Variants in MUC17 observed in about 807,000 individuals in gnomAD.
MUC17 encodes mucin 17, cell surface associated, also known as mucin-17.
A neutral mutation model predicts 170.3 loss-of-function variants in MUC17; 190 were observed. The observed-to-expected ratio is 1.12, with a 90% CI of 0.99 to 1.26. The LOEUF (loss-of-function observed/expected upper bound fraction) is 1.26. Ranked by LOEUF, MUC17 falls within the 50% of genes most tolerant of loss-of-function variation. The pLI, the probability that MUC17 is intolerant of heterozygous loss-of-function variation, is 0.00. For missense variants in MUC17, 6,415 were observed against 5,530.0 expected (o/e 1.16, Z -5.08); for synonymous variants, 2,325 against 2,002.5 (o/e 1.16, Z -4.30).
chr7:101,055,740 G>A (rs2116485929), intron 11 of MUC17, among the ~76,000 whole-genome samples: 1 of 152,032 alleles, frequency 6.6e-6, no homozygotes, highest in East Asian at 1.9e-4. Context: ...TTTTAAGGAT[G>A]GCCATACACA....
chr7:101,052,485 G>T (rs903948654), intron 9 of MUC17, among the ~76,000 whole-genome samples: 4 of 152,144 alleles, frequency 2.6e-5, no homozygotes, highest in Non-Finnish European at 4.4e-5. Context: ...AATTTGGGAA[G>T]GCTTCCTGGA....
In MUC17 at chr7:101,037,397, C is replaced by G; in HGVS notation, c.5981C>G (p.Thr1994Ser). ...STPLTSMPLS[T>S]TLVVSSEAST... ...CCACTAACAAGTATGCCTCTCAGCACCACGCTGGTGGTCAGTTCTGAGGCT... is the reference window on the plus strand; with the variant it reads ...CCACTAACAAGTATGCCTCTCAGCAGCACGCTGGTGGTCAGTTCTGAGGCT... Residue 1994 changes from threonine (T) to serine (S), a missense_variant, in exon 3 of 13, where the codon ACC becomes AGC. By Grantham distance (58) the Thr-to-Ser change is moderately conservative. Transcript: ENST00000306151. 1 of 1,613,400 alleles carries G rather than the reference C, an allele frequency of 6.2e-7. No individual in the cohort carries two copies. Among genetic ancestry groups the G allele is most frequent in the Non-Finnish European group, 8.5e-7 (1 of 1,179,576 alleles).
intron 9 of MUC17, among the ~76,000 whole-genome samples, chr7:101,052,664 G>C (rs976010117): frequency 2.0e-5 from 3 of 152,226 alleles, no homozygotes; most frequent in South Asian, 2.1e-4. Context: ...TTAATGGGTG[G>C]ATGCAAGATC....
intron 1 of MUC17, among the ~76,000 whole-genome samples, chr7:101,029,383 A>G (rs944684909): frequency 2.0e-5 from 3 of 151,982 alleles, no homozygotes; most frequent in Non-Finnish European, 4.4e-5. Context: ...ACATGTATAC[A>G]TACATACACA....
At position 101,050,510 on chromosome 7, in the gene MUC17, A is replaced by G. The variant is rs1377699474; in HGVS notation, c.12749A>G (p.Asp4250Gly). The change falls in exon 7 of 13, where the codon GAC becomes GGC. Residue 4250 changes from aspartate to glycine, a missense_variant. Asp to Gly is a moderately conservative substitution (Grantham distance 94, BLOSUM62 -1). Coordinates refer to ENST00000306151, the MANE Select transcript of MUC17 (RefSeq NM_001040105.2). Reference sequence around the variant, plus strand: ...CTTGGCAGTGTGGTGGTGGAGCATGACGTCCTCCTAAGAACCAAGTACACA... The same window carrying G: ...CTTGGCAGTGTGGTGGTGGAGCATGGCGTCCTCCTAAGAACCAAGTACACA... ...LRLGSVVVEH[D>G]VLLRTKYTPE... 3.5e-5 allele frequency: 56 copies of G among 1,613,830 alleles called. No individual in the cohort carries two copies. The highest frequency in any genetic ancestry group is 4.7e-5 in the Non-Finnish European group (55 of 1,179,914).
chr7:101,042,663 G>A lies in MUC17; in HGVS notation c.11247G>A (p.Met3749Ile), dbSNP rs1390444968. Residue 3749 changes from methionine to isoleucine, a missense_variant, in exon 3 of 13, where the codon ATG becomes ATA. Physicochemically the swap from Met to Ile is conservative, Grantham distance 10 (BLOSUM62 1). Coordinates refer to ENST00000306151, the MANE Select transcript of MUC17 (RefSeq NM_001040105.2). Reference protein sequence around the residue: ...DSTTMSVSMPMEISTLGTTIL... With the variant: ...DSTTMSVSMPIEISTLGTTIL... ...CCACCATGTCTGTGTCAATGCCCAT[G>A]GAAATAAGCACCCTTGGGACCACTA... 2 of 1,613,758 alleles carry A rather than the reference G, an allele frequency of 1.2e-6. No individual in the cohort carries two copies. The highest frequency in any genetic ancestry group is 1.7e-5 in the Admixed American group (1 of 59,974).
Position 101,053,421 on chromosome 7 carries a change from T to C in MUC17, c.13348T>C (p.Phe4450Leu). ...PAPGTFQNIG[F>L]DICQDDDSIH... ...TCCTGGGACCTTCCAAAACATTGGC[T>C]TTGACATCTGCCAAGGTATTGGCCT... Residue 4450 changes from phenylalanine to leucine, a missense_variant, in exon 11 of 13, where the codon TTT becomes CTT. Coordinates refer to ENST00000306151, the MANE Select transcript of MUC17 (RefSeq NM_001040105.2). 6.2e-7 allele frequency: 1 copy of C among 1,613,574 alleles called. No individual in the cohort carries two copies.
chr7:101,022,533 T>A (rs1353684521), intron 1 of MUC17, among the ~76,000 whole-genome samples: 2 of 151,998 alleles, frequency 1.3e-5, no homozygotes, highest in African/African-American at 2.4e-5. Flanking sequence ...TCAACAAGGC[T>A]CTCCTCCCAG....
intron 1 of MUC17, 71 bp downstream of exon 1, chr7:101,020,288 C>T (rs1562798432): frequency 2.2e-6 from 3 of 1,373,704 alleles, no homozygotes; most frequent in African/African-American, 1.4e-5. Flanking sequence ...GTCTGCCCAT[C>T]CCCGAGGGAG....
chr7:101,040,456 A>C lies in MUC17; in HGVS notation c.9040A>C (p.Thr3014Pro). 1 of 1,610,722 alleles carries C rather than the reference A, an allele frequency of 6.2e-7. No individual in the cohort carries two copies. Residue 3014 changes from threonine to proline, a missense_variant, in exon 3 of 13, where the codon ACC (threonine) becomes CCC (proline). Thr to Pro is a conservative substitution (Grantham distance 38). Transcript: ENST00000306151. ...ASTLSRTPAD[T>P]STPVTTSTEA... ...CACCCTTTCAAGAACTCCTGCTGAC[A>C]CCAGCACACCTGTGACCACTTCTAC... is the stretch of plus-strand genomic sequence containing the variant.
Position 101,035,446 on chromosome 7 carries a change from G to C in MUC17, c.4030G>C (p.Val1344Leu), listed in dbSNP as rs758437438. The change falls in exon 3 of 13, where the codon GTC (valine) becomes CTC (leucine). Residue 1344 changes from valine to leucine, a missense_variant. Transcript: ENST00000306151. ...EGRTPLTSIP[V>L]NTTLVASSAI... Reference sequence around the variant, plus strand: ...AAGAACTCCTTTAACAAGTATACCTGTCAACACCACACTGGTGGCCAGTTC... The same window carrying C: ...AAGAACTCCTTTAACAAGTATACCTCTCAACACCACACTGGTGGCCAGTTC... The C allele has an allele frequency of 2.5e-6, 4 of 1,602,198 alleles. No individual in the cohort carries two copies. Among genetic ancestry groups the C allele is most frequent in the Middle Eastern group, 3.3e-4 (2 of 6,006 alleles).
Position 101,050,619 on chromosome 7 carries a change from T to G in MUC17, c.12858T>G (p.Ile4286Met). Reference sequence around the variant, plus strand: ...AAGTGACCACACAGCAAATAATGATTAATGATATTTGCTCAGGTGAACTCT... The same window carrying G: ...AAGTGACCACACAGCAAATAATGATGAATGATATTTGCTCAGGTGAACTCT... Reference protein sequence around the residue: ...ITKVTTQQIMINDICSDMMCF... With the variant: ...ITKVTTQQIMMNDICSDMMCF... The change falls in exon 7 of 13, where the codon ATT (isoleucine) becomes ATG (methionine). Residue 4286 changes from isoleucine to methionine, a missense_variant. Transcript: ENST00000306151. The G allele has an allele frequency of 6.2e-7, 1 of 1,613,870 alleles. No homozygotes were observed.
In MUC17 at chr7:101,034,690, C is replaced by T; in HGVS notation, c.3274C>T (p.Pro1092Ser). The stretch of plus-strand genomic sequence containing the variant: ...TACAACTGCTGACGGTACCAGCATG[C>T]CAACCTCAACTTATAGTGAAGGAAG... ...SSTTADGTSM[P>S]TSTYSEGSTP... The change falls in exon 3 of 13, where the codon CCA becomes TCA. Residue 1092 changes from proline (P) to serine (S), a missense_variant. Physicochemically the swap from Pro to Ser is moderately conservative, Grantham distance 74. Transcript: ENST00000306151. 2 of 1,606,846 alleles carry T rather than the reference C, an allele frequency of 1.2e-6. No homozygotes were observed. The highest frequency in any genetic ancestry group is 1.7e-6 in the Non-Finnish European group (2 of 1,175,764).
chr7:101,046,183 A>G (rs1584873989), intron 3 of MUC17, among the ~76,000 whole-genome samples: 1 of 152,210 alleles, frequency 6.6e-6, no homozygotes, highest in African/African-American at 2.4e-5. Flanking sequence ...GCCCATAAAT[A>G]GAGGCTGCAT....
rs1794614213 is a variant in MUC17, at chr7:101,039,518, C to G, written c.8102C>G (p.Thr2701Ser). Residue 2701 changes from threonine to serine, a missense_variant, in exon 3 of 13, where the codon ACC becomes AGC. By Grantham distance (58) the Thr-to-Ser change is moderately conservative. Transcript: ENST00000306151. ...STPLTNILVS[T>S]TLLANSEAST... ...CCATTAACAAATATACTTGTCAGCA[C>G]CACGCTGTTGGCCAATTCTGAGGCT... The G allele has an allele frequency of 6.2e-7, 1 of 1,611,714 alleles. No homozygotes were observed. The highest frequency in any genetic ancestry group is 8.5e-7 in the Non-Finnish European group (1 of 1,178,916).
At chr7:101,024,399 CA>C (rs71126353) in intron 1 of MUC17, among the ~76,000 whole-genome samples, 27,760 of 138,238 alleles carry the variant, frequency 0.2, 3,271 homozygotes, top group African/African-American at 0.35. Context: ...GACTCTATCT[CA>C]AAAAAAAAAA....
Position 101,040,488 on chromosome 7 carries a change from C to G in MUC17, c.9072C>G (p.Ala3024=). The G allele has an allele frequency of 6.2e-7, 1 of 1,611,784 alleles. No individual in the cohort carries two copies. The highest frequency in any genetic ancestry group is 8.5e-7 in the Non-Finnish European group (1 of 1,179,106). ...CACCTGTGACCACTTCTACTGAAGC[C>G]AGTTCCTCTCCTACAACTGCTGAAG... ...TSTPVTTSTE[A]SSSPTTAEGT... Residue 3024 remains alanine (A), a synonymous_variant, in exon 3 of 13, where the codon GCC becomes GCG. Transcript: ENST00000306151.
In MUC17 at chr7:101,035,156, G is replaced by C. The variant is rs1302286014; in HGVS notation, c.3740G>C (p.Ser1247Thr). ...STLSTSPVDT[S>T]TPVTTSAETS... ...CTTTCAACATCTCCCGTTGACACCA[G>C]CACACCTGTGACCACTTCTGCTGAA... Residue 1247 changes from serine to threonine, a missense_variant, in exon 3 of 13, where the codon AGC (serine) becomes ACC (threonine). Physicochemically the swap from Ser to Thr is moderately conservative, Grantham distance 58. Coordinates refer to ENST00000306151, the MANE Select transcript of MUC17 (RefSeq NM_001040105.2). 1 of 1,610,610 alleles carries C rather than the reference G, an allele frequency of 6.2e-7. No homozygotes were observed. The highest frequency in any genetic ancestry group is 2.2e-5 in the East Asian group (1 of 44,556).
At position 101,036,231 on chromosome 7, in the gene MUC17, C is replaced by G; in HGVS notation, c.4815C>G (p.Thr1605=). 6.2e-6 allele frequency: 10 copies of G among 1,613,964 alleles called. No homozygotes were observed. Among genetic ancestry groups the G allele is most frequent in the South Asian group, 1.1e-5 (1 of 91,082 alleles). Residue 1605 remains threonine (T), a synonymous_variant, in exon 3 of 13, where the codon ACC becomes ACG. Coordinates refer to ENST00000306151, the MANE Select transcript of MUC17 (RefSeq NM_001040105.2). ...CTATTGACTCCAAAACTCAGGTGAC[C>G]GCTTCTACTGAAGCCAGTTCATCTA... is the stretch of plus-strand genomic sequence containing the variant. ...TTPIDSKTQV[T]ASTEASSSTT... is the part of the protein sequence containing the mutation.
Sources: allele counts gnomAD v4.1 joint callset (sites outside exome capture counted in the v4.1 genomes callset), GRCh38; gene constraint gnomAD v4.1.1; transcripts MANE v1.5; gene names NCBI Gene and HGNC (gene_info 2026-07-23, HGNC 2026-07-21).